TPPP2: variants seen among roughly 807,000 people sequenced by gnomAD.
The protein encoded by TPPP2 is tubulin polymerization promoting protein family member 2.
A neutral mutation model predicts 13.0 loss-of-function variants in TPPP2; 8 were observed. The observed-to-expected ratio is 0.62, with a 90% CI of 0.36 to 1.11. The LOEUF (loss-of-function observed/expected upper bound fraction) is 1.11. Among genes scored for constraint, TPPP2 ranks in the 50% most tolerant of loss-of-function variants. The pLI is 0.02. For missense variants in TPPP2, 213 were observed against 216.9 expected (o/e 0.98, Z 0.11); for synonymous variants, 81 against 81.8 (o/e 0.99, Z 0.05).
At chr14:21,028,604 G>C (rs1443425451), upstream of TPPP2, 1 of 152,116 alleles carries the variant, frequency 6.6e-6, no homozygotes, top group African/African-American at 2.4e-5. Context: ...TAAGCAAAAA[G>C]ATTTAGCAAT....
upstream of TPPP2, among the ~76,000 whole-genome samples, chr14:21,028,240 C>T (rs1323685230): frequency 7.4e-6 from 1 of 134,500 alleles, no homozygotes; most frequent in East Asian, 2.4e-4. Flanking sequence ...TCTTGGGGTT[C>T]TTTTTGTTTT....
chr14:21,036,071 T>C, downstream of TPPP2: 1 of 395,436 alleles, frequency 2.5e-6, no homozygotes. Context: ...TCAAGAGTTT[T>C]TAGACCAGTG....
chr14:21,029,000 A>G (rs1233850597), upstream of TPPP2: 1 of 152,188 alleles, frequency 6.6e-6, no homozygotes, highest in African/African-American at 2.4e-5. Flanking sequence ...GAAGAGAGAA[A>G]ACCCTGAGGA....
rs1210249935 is a variant in TPPP2, at chr14:21,031,942, C to T, written c.378C>T (p.Tyr126=). The T allele has an allele frequency of 1.2e-6, 2 of 1,614,172 alleles. No homozygotes were observed. The highest frequency in any genetic ancestry group is 1.7e-5 in the Admixed American group (1 of 60,028). Reference sequence around the variant, plus strand: ...ACCGTTTGACAGACACCAGCAAGTACACCGGCACCCACAAGGAGCGCTTTG... The same window carrying T: ...ACCGTTTGACAGACACCAGCAAGTATACCGGCACCCACAAGGAGCGCTTTG... ...AVDRLTDTSK[Y]TGTHKERFDE... is the part of the protein sequence containing the mutation. Residue 126 remains tyrosine (Y), a synonymous_variant, in exon 4 of 4, where the codon TAC becomes TAT. Coordinates refer to ENST00000321760, the MANE Select transcript of TPPP2 (RefSeq NM_173846.5).
At chr14:21,025,660 G>A, upstream of TPPP2, 1 of 985,276 alleles carries the variant, frequency 1.0e-6, no homozygotes, top group Non-Finnish European at 1.2e-6. This position sits in a 1 kb window ranked among gnomAD's most constrained non-coding sequence, Gnocchi z 5.1. Context: ...ACTCCCTCGT[G>A]CCCAGAGTCC....
chr14:21,033,455 G>C (rs1884386180), downstream of TPPP2: 4 of 307,998 alleles, frequency 1.3e-5, no homozygotes, highest in South Asian at 1.5e-4. Context: ...GCTGGTGCCT[G>C]TTGCCATGGT....
chr14:21,027,093 G>T (rs868084161), upstream of TPPP2, among the ~76,000 whole-genome samples: 2 of 152,204 alleles, frequency 1.3e-5, no homozygotes, highest in African/African-American at 2.4e-5. Flanking sequence ...CTACGCAGGG[G>T]CGCAGGGCAG....
At chr14:21,024,949 G>T (rs2297062) in intron 1 of TPPP2, 2 of 985,430 alleles carry the variant, frequency 2.0e-6, no homozygotes, top group African/African-American at 1.7e-5. Flanking sequence ...AGCTCCAGGG[G>T]ACGCGGATCA....
downstream of TPPP2, chr14:21,034,149 C>T (rs1314003248): frequency 3.1e-6 from 5 of 1,614,158 alleles, no homozygotes. Context: ...GCCCCGGAAA[C>T]CCTTTGGGTA....
At chr14:21,026,932 AGAGGGAGAGCCTC>A (rs139022707), upstream of TPPP2, among the ~76,000 whole-genome samples, 3,020 of 152,232 alleles carry the variant, frequency 0.02, 101 homozygotes, top group African/African-American at 0.068. Context: ...GAACCTGGGG[AGAGGGAGAGCCTC>A]GAGTGAGAAC....
chr14:21,025,011 G>A lies in TPPP2; in HGVS notation n.236+667G>A, dbSNP rs745667281. On this transcript the variant is annotated intron_variant and non_coding_transcript_variant, in intron 1 of 1. Transcript: ENST00000533755. This position sits in a 1 kb window ranked among gnomAD's most constrained non-coding sequence, Gnocchi z 5.1. ...CGCCTTCCAGGCCCTACGGCCCCTC[G>A]CCTGCCCCTCCCCCTACCTGCTGCC... 898 of 984,610 alleles carry A rather than the reference G, an allele frequency of 9.1e-4. 1 individual carries two copies. Among genetic ancestry groups the A allele is most frequent in the Non-Finnish European group, 1.1e-3 (878 of 830,332 alleles). The allele number at this position is 984,610 out of a possible 1,614,324, so 61.0% of individuals were successfully genotyped here. A position where few individuals can be genotyped will look rare whatever the true frequency, so the allele number is the denominator to read the frequency against.
chr14:21,033,490 T>G, downstream of TPPP2: 1 of 376,668 alleles, frequency 2.7e-6, no homozygotes. Flanking sequence ...TGGGCCTCCA[T>G]CCAGGACTTA....
At position 21,032,637 on chromosome 14, in the gene TPPP2, C is replaced by T. The variant is rs930935231; in HGVS notation, c.*560C>T. 5.8e-6 allele frequency: 2 copies of T among 342,344 alleles called. No homozygotes were observed. The highest frequency in any genetic ancestry group is 2.2e-5 in the African/African-American group (1 of 46,096). The allele number at this position is 342,344 out of a possible 1,614,324, so 21.2% of individuals were successfully genotyped here. A position where few individuals can be genotyped will look rare whatever the true frequency, so the allele number is the denominator to read the frequency against. On this transcript the variant is annotated 3_prime_UTR_variant, in exon 4 of 4. Coordinates refer to ENST00000321760, the MANE Select transcript of TPPP2 (RefSeq NM_173846.5). Reference sequence around the variant, plus strand: ...GTAAGGGGAGAGTCTATTTTCAACACCCAGCCCAGAACTAAGTTTTACCCC... The same window carrying T: ...GTAAGGGGAGAGTCTATTTTCAACATCCAGCCCAGAACTAAGTTTTACCCC...
At chr14:21,033,080 G>A (rs771029764), downstream of TPPP2, 8 of 432,996 alleles carry the variant, frequency 1.8e-5, no homozygotes, top group South Asian at 1.3e-4. Flanking sequence ...TGGGGAATGG[G>A]TGAGAGAAGA....
At chr14:21,034,986 G>A (rs188827968), downstream of TPPP2, among the ~76,000 whole-genome samples, 24 of 152,288 alleles carry the variant, frequency 1.6e-4, no homozygotes, top group African/African-American at 3.6e-4. Flanking sequence ...CTGTGCTCTC[G>A]TGGCAAGGTG....
chr14:21,029,753 A>G (rs1008864302), upstream of TPPP2, among the ~76,000 whole-genome samples: 20 of 152,126 alleles, frequency 1.3e-4, no homozygotes, highest in African/African-American at 4.8e-4. Flanking sequence ...GAACTCATTC[A>G]CCCCTTCTAC....
At chr14:21,031,847 A>C in intron 3 of TPPP2, 45 bp from the exon 4 acceptor site, 1 of 1,590,068 alleles carries the variant, frequency 6.3e-7, no homozygotes, top group African/African-American at 1.3e-5. Context: ...GGGATATGAC[A>C]GCGTAAGGAA....
upstream of TPPP2, chr14:21,025,462 G>T (rs1410082495): frequency 1.0e-6 from 1 of 985,404 alleles, no homozygotes; most frequent in Non-Finnish European, 1.2e-6. This position sits in a 1 kb window ranked among gnomAD's most constrained non-coding sequence, Gnocchi z 5.1. Flanking sequence ...CGGTAGTGGG[G>T]AGACGAACCC....
At chr14:21,026,522 A>C (rs1594466259), upstream of TPPP2, among the ~76,000 whole-genome samples, 1 of 50,354 alleles carries the variant, frequency 2.0e-5, no homozygotes, top group Non-Finnish European at 3.8e-5. Flanking sequence ...CACCACCCTC[A>C]CCACCCGCAA....
Sources: allele counts gnomAD v4.1 joint callset (sites outside exome capture counted in the v4.1 genomes callset), GRCh38; gene constraint gnomAD v4.1.1; non-coding constraint Gnocchi (gnomAD v3.1); transcripts MANE v1.5; gene names NCBI Gene and HGNC (gene_info 2026-07-23, HGNC 2026-07-21).